The following ROBO2 variants were observed in gnomAD, a reference collection of about 807,000 sequenced individuals.
The protein encoded by ROBO2 is roundabout homolog 2.
ROBO2 carries 53 observed loss-of-function variants against 160.8 expected under a neutral mutation model. The ratio of observed to expected loss-of-function variants is 0.33; its 90% CI spans 0.26 to 0.41. ROBO2 has a LOEUF of 0.41. Among genes scored for constraint, ROBO2 ranks in the 10% least tolerant of loss-of-function variants. The pLI is 1.00. For synonymous variants in ROBO2, 664 were observed against 611.7 expected (o/e 1.09, Z -1.26); for missense variants, 1,577 against 1,722.4 (o/e 0.92, Z 1.49).
chr3:76,155,402 G>C (rs1267593059), intron 2 of ROBO2, among the ~76,000 whole-genome samples: 2 of 152,074 alleles, frequency 1.3e-5, no homozygotes, highest in East Asian at 3.9e-4. Context: ...TATGAAAAAT[G>C]CTACTGGAAA....
intron 2 of ROBO2, among the ~76,000 whole-genome samples, chr3:76,555,430 G>GAAGAAAGA (rs1156538887): frequency 1.5e-5 from 1 of 67,970 alleles, no homozygotes; most frequent in Non-Finnish European, 3.3e-5. Flanking sequence ...AGAAGGAGAA[G>GAAGAAAGA]GGGAAGGGGA....
chr3:76,046,928 A>G (rs764607997), intron 2 of ROBO2, among the ~76,000 whole-genome samples: 13 of 152,174 alleles, frequency 8.5e-5, no homozygotes, highest in Non-Finnish European at 1.8e-4. Context: ...CAAAGTATCC[A>G]TTTGTTCATT....
At chr3:76,392,851 T>A (rs976358985) in intron 2 of ROBO2, among the ~76,000 whole-genome samples, 2 of 152,214 alleles carry the variant, frequency 1.3e-5, no homozygotes, top group African/African-American at 4.8e-5. Context: ...ACAATTTGTC[T>A]TGTTTGAAAA....
chr3:76,053,515 A>C (rs2067725681), intron 2 of ROBO2, among the ~76,000 whole-genome samples: 1 of 152,096 alleles, frequency 6.6e-6, no homozygotes, highest in Admixed American at 6.5e-5. Flanking sequence ...TGTATATTTT[A>C]GCATTTGGAT....
chr3:76,071,097 T>G (rs1302259773), intron 2 of ROBO2, among the ~76,000 whole-genome samples: 3 of 152,202 alleles, frequency 2.0e-5, no homozygotes, highest in Non-Finnish European at 4.4e-5. Flanking sequence ...AATTGCAATT[T>G]CAGGGCCTGT....
chr3:77,265,571 A>G (rs1284032616), intron 2 of ROBO2, among the ~76,000 whole-genome samples: 1 of 152,202 alleles, frequency 6.6e-6, no homozygotes, highest in Non-Finnish European at 1.5e-5. Context: ...ATGCTCCTTG[A>G]GACTTCAATC....
At chr3:77,347,445 C>G (rs1461467461) in intron 2 of ROBO2, among the ~76,000 whole-genome samples, 8 of 151,836 alleles carry the variant, frequency 5.3e-5, no homozygotes, top group Admixed American at 5.3e-4. Context: ...CGTATAATTC[C>G]CATCAGCATA....
intron 2 of ROBO2, among the ~76,000 whole-genome samples, chr3:77,323,816 T>C (rs531978930): frequency 6.6e-6 from 1 of 152,274 alleles, no homozygotes; most frequent in East Asian, 1.9e-4. Context: ...GTATTTTCAG[T>C]AGGCTTGGAA....
intron 2 of ROBO2, among the ~76,000 whole-genome samples, chr3:77,362,581 G>C (rs536245661): frequency 1.1e-4 from 17 of 152,250 alleles, no homozygotes; most frequent in Admixed American, 5.2e-4. Context: ...GAGAGCTTAG[G>C]AGAAGGAGGC....
chr3:76,530,005 T>C (rs2082141026), intron 2 of ROBO2, among the ~76,000 whole-genome samples: 1 of 152,200 alleles, frequency 6.6e-6, no homozygotes, highest in African/African-American at 2.4e-5. Flanking sequence ...CCTTCTATTC[T>C]GTGTCCTTTT....
At chr3:75,945,180 T>C (rs1378607465) in intron 2 of ROBO2, among the ~76,000 whole-genome samples, 1 of 152,082 alleles carries the variant, frequency 6.6e-6, no homozygotes, top group Non-Finnish European at 1.5e-5. Flanking sequence ...CATTCTAACA[T>C]AGGGAGACAG....
chr3:77,487,217 A>C (rs1184697975), intron 4 of ROBO2, among the ~76,000 whole-genome samples: 1 of 152,118 alleles, frequency 6.6e-6, no homozygotes, highest in Non-Finnish European at 1.5e-5. Context: ...GGTGTTATTA[A>C]GATTGTTGTC....
intron 2 of ROBO2, among the ~76,000 whole-genome samples, chr3:76,123,365 C>T (rs1050055944): frequency 2.0e-5 from 3 of 151,984 alleles, no homozygotes; most frequent in South Asian, 2.1e-4. Context: ...CATGAATAAA[C>T]TATTGTTAAG....
chr3:76,333,495 T>C (rs2073646341), intron 2 of ROBO2, among the ~76,000 whole-genome samples: 1 of 152,194 alleles, frequency 6.6e-6, no homozygotes, highest in African/African-American at 2.4e-5. Flanking sequence ...CTAATACTCA[T>C]CAGATAATTG....
chr3:77,117,547 C>A (rs1299016017), intron 2 of ROBO2, among the ~76,000 whole-genome samples: 1 of 152,090 alleles, frequency 6.6e-6, no homozygotes. Flanking sequence ...TTTACTATAT[C>A]TCAGTATAAT....
intron 2 of ROBO2, among the ~76,000 whole-genome samples, chr3:76,159,912 G>A (rs1380182261): frequency 6.6e-6 from 1 of 152,018 alleles, no homozygotes; most frequent in Non-Finnish European, 1.5e-5. Flanking sequence ...ATCTAAGTCA[G>A]GACTGTGAGG....
In ROBO2 at chr3:76,436,159, A is replaced by AACACAC. The variant is rs3065704; in HGVS notation, c.109+498574_109+498579dup. ...CCTACAGAGATGACTTTAAAAGGAA[A>AACACAC]ACACACACACACACACACACACCAT... is the stretch of plus-strand genomic sequence containing the variant. On this transcript the variant is annotated intron_variant, in intron 2 of 26. Transcript: ENST00000487694. 8.9e-3 allele frequency among the ~76,000 whole-genome samples: 1,250 copies of AACACAC among 140,592 alleles called. 26 individuals are homozygous for AACACAC. Among genetic ancestry groups the AACACAC allele is most frequent in the South Asian group, 0.041 (176 of 4,306 alleles). The allele number at this position is 140,592 out of a possible 152,430, so 92.2% of individuals were successfully genotyped here.
chr3:77,268,633 A>C (rs2059287873), intron 2 of ROBO2, among the ~76,000 whole-genome samples: 1 of 152,228 alleles, frequency 6.6e-6, no homozygotes, highest in Non-Finnish European at 1.5e-5. Flanking sequence ...CTCTAATATT[A>C]GGAATACCAG....
intron 2 of ROBO2, among the ~76,000 whole-genome samples, chr3:77,400,893 A>G (rs1455609033): frequency 6.6e-6 from 1 of 152,158 alleles, no homozygotes; most frequent in African/African-American, 2.4e-5. Context: ...TTTCTACTAC[A>G]AAATTGATCT....
Sources: allele counts gnomAD v4.1 joint callset (sites outside exome capture counted in the v4.1 genomes callset), GRCh38; gene constraint gnomAD v4.1.1; transcripts MANE v1.5; gene names NCBI Gene and HGNC (gene_info 2026-07-23, HGNC 2026-07-21).